Variants in KCNIP4 observed in about 807,000 individuals in gnomAD.
KCNIP4 encodes the protein potassium voltage-gated channel interacting protein 4.
In KCNIP4, 12 loss-of-function variants were observed where a neutral mutation model predicts 34.0. The ratio of observed to expected loss-of-function variants is 0.35; its 90% confidence interval spans 0.23 to 0.57. The LOEUF is 0.57. Ranked by LOEUF, KCNIP4 falls within the 20% of genes least tolerant of loss-of-function variation. KCNIP4 has a pLI of 0.83. For synonymous variants in KCNIP4, 124 were observed against 102.2 expected, an observed-to-expected ratio of 1.21 and a Z score of -1.29; for missense variants, 238 against 311.7, an observed-to-expected ratio of 0.76 and a Z score of 1.78.
chr4:20,821,818 AT>A (rs1379281859), intron 3 of KCNIP4, among the ~76,000 whole-genome samples: 1 of 151,898 alleles, frequency 6.6e-6, no homozygotes, highest in Non-Finnish European at 1.5e-5. Flanking sequence ...TTTTCATTCC[AT>A]TTTAGGGCTG....
chr4:21,460,464 A>T (rs1315854369), intron 1 of KCNIP4, among the ~76,000 whole-genome samples: 2 of 152,066 alleles, frequency 1.3e-5, no homozygotes, highest in African/African-American at 4.8e-5. Context: ...CTTAAACAAC[A>T]GGAATTTATT....
chr4:20,794,622 T>C (rs1398126301), intron 3 of KCNIP4, among the ~76,000 whole-genome samples: 1 of 152,222 alleles, frequency 6.6e-6, no homozygotes, highest in Admixed American at 6.5e-5. Flanking sequence ...GTTAGGATAC[T>C]GAATAACTCT....
At chr4:20,810,227 T>C (rs1715553769) in intron 3 of KCNIP4, among the ~76,000 whole-genome samples, 1 of 152,182 alleles carries the variant, frequency 6.6e-6, no homozygotes, top group Non-Finnish European at 1.5e-5. Flanking sequence ...GAAAGTCATT[T>C]TGTGGAGAAA....
At chr4:21,945,687 T>A (rs956449436) in intron 1 of KCNIP4, among the ~76,000 whole-genome samples, 1 of 149,136 alleles carries the variant, frequency 6.7e-6, no homozygotes, top group Non-Finnish European at 1.5e-5. Context: ...AATTTTGTAG[T>A]TTTTTTTTTC....
At chr4:21,055,269 G>C (rs1743301630) in intron 1 of KCNIP4, among the ~76,000 whole-genome samples, 3 of 152,122 alleles carry the variant, frequency 2.0e-5, no homozygotes. Context: ...TCATAACACT[G>C]AATTCTGGTG....
chr4:21,615,407 ATGG>A (rs1239983800), intron 1 of KCNIP4, among the ~76,000 whole-genome samples: 2 of 151,430 alleles, frequency 1.3e-5, no homozygotes, highest in South Asian at 4.2e-4. Flanking sequence ...ATTAGCTGGA[ATGG>A]TGGTGGGCGC....
At chr4:21,272,910 ATTCT>A (rs1322942300) in intron 1 of KCNIP4, among the ~76,000 whole-genome samples, 1 of 152,162 alleles carries the variant, frequency 6.6e-6, no homozygotes, top group East Asian at 1.9e-4. Context: ...AGTTGAAGCA[ATTCT>A]TTCTTCCACT....
intron 1 of KCNIP4, among the ~76,000 whole-genome samples, chr4:21,632,307 G>A (rs531505958): frequency 5.9e-5 from 9 of 152,200 alleles, no homozygotes; most frequent in South Asian, 2.1e-4. Flanking sequence ...TCTGCCTCCC[G>A]GGTTCAAGGG....
intron 2 of KCNIP4, among the ~76,000 whole-genome samples, chr4:20,870,590 A>T (rs1241257888): frequency 6.6e-6 from 1 of 152,138 alleles, no homozygotes; most frequent in Non-Finnish European, 1.5e-5. Context: ...TTCATTTTGC[A>T]GGCACTTCTT....
intron 1 of KCNIP4, among the ~76,000 whole-genome samples, chr4:21,543,755 A>G (rs1737896000): frequency 6.6e-6 from 1 of 152,124 alleles, no homozygotes; most frequent in African/African-American, 2.4e-5. Flanking sequence ...ATTGTCTTGT[A>G]AAATGTTGCA....
rs146030821 is a variant in KCNIP4 at position 21,571,563 on chromosome 4, C to T, written c.61+377008G>A. On this transcript the variant is annotated intron_variant, in intron 1 of 8. Coordinates refer to ENST00000382152, the MANE Select transcript of KCNIP4 (RefSeq NM_025221.6). ...AGCATTTTCTTGCCAAGGTATTATG[C>T]AAGTGTTAACTGAGCTGATCAGCAG... Among the ~76,000 whole-genome samples, 1,047 of 152,266 alleles carry T rather than the reference C, an allele frequency of 6.9e-3. 7 individuals carry two copies. Among genetic ancestry groups the T allele is most frequent in the Non-Finnish European group, 9.5e-3 (648 of 68,018 alleles).
At chr4:21,156,500 A>G (rs1753155122) in intron 1 of KCNIP4, among the ~76,000 whole-genome samples, 1 of 152,180 alleles carries the variant, frequency 6.6e-6, no homozygotes, top group South Asian at 2.1e-4. Flanking sequence ...GCCACCTAAC[A>G]CATGTAAAAC....
chr4:21,405,714 A>G (rs1420609451), intron 1 of KCNIP4, among the ~76,000 whole-genome samples: 1 of 152,220 alleles, frequency 6.6e-6, no homozygotes. Flanking sequence ...CTGTTAGTCC[A>G]AGTATTAGCT....
intron 1 of KCNIP4, among the ~76,000 whole-genome samples, chr4:21,926,932 A>G (rs749265806): frequency 6.6e-6 from 1 of 152,208 alleles, no homozygotes; most frequent in Admixed American, 6.5e-5. Flanking sequence ...CTGGCTGAAA[A>G]CAAACAAATT....
At chr4:21,425,723 CA>C (rs1725874899) in intron 1 of KCNIP4, among the ~76,000 whole-genome samples, 1 of 152,082 alleles carries the variant, frequency 6.6e-6, no homozygotes, top group Non-Finnish European at 1.5e-5. Flanking sequence ...ATGTCAAACA[CA>C]TTTGCCTTCA....
At chr4:21,574,620 G>C (rs1740604314) in intron 1 of KCNIP4, among the ~76,000 whole-genome samples, 1 of 152,096 alleles carries the variant, frequency 6.6e-6, no homozygotes, top group Non-Finnish European at 1.5e-5. Flanking sequence ...CAGATTTGAA[G>C]GAGACTATAG....
At chr4:21,325,290 C>G (rs1464511900) in intron 1 of KCNIP4, among the ~76,000 whole-genome samples, 3 of 151,200 alleles carry the variant, frequency 2.0e-5, no homozygotes, top group African/African-American at 7.3e-5. Context: ...TTGTAATTGG[C>G]CTGCTAAGGT....
At chr4:20,758,231 G>A (rs986881875) in intron 4 of KCNIP4, among the ~76,000 whole-genome samples, 8 of 152,086 alleles carry the variant, frequency 5.3e-5, no homozygotes, top group Non-Finnish European at 1.2e-4. Context: ...CGCTATCCTT[G>A]TGTTTTCTTT....
intron 1 of KCNIP4, among the ~76,000 whole-genome samples, chr4:21,550,840 T>C (rs920118381): frequency 6.6e-6 from 1 of 152,148 alleles, no homozygotes; most frequent in African/African-American, 2.4e-5. Context: ...ACCACAGTTC[T>C]CAATCTTTTG....
Sources: allele counts gnomAD v4.1 joint callset (sites outside exome capture counted in the v4.1 genomes callset), GRCh38; gene constraint gnomAD v4.1.1; transcripts MANE v1.5; gene names NCBI Gene and HGNC (gene_info 2026-07-23, HGNC 2026-07-21).